Variants in ZDHHC8 observed in about 807,000 individuals in gnomAD.
ZDHHC8 encodes the protein palmitoyltransferase ZDHHC8.
A neutral mutation model predicts 61.2 loss-of-function variants in ZDHHC8; 24 were observed. That is an observed-to-expected ratio of 0.39 (90% CI 0.28 to 0.55). The LOEUF (loss-of-function observed/expected upper bound fraction) is 0.55. Among genes scored for constraint, ZDHHC8 ranks in the 20% least tolerant of loss-of-function variants. ZDHHC8 has a pLI of 0.60. For synonymous variants in ZDHHC8, 523 were observed against 492.5 expected (o/e 1.06, Z -0.82); for missense variants, 935 against 1,102.1 (o/e 0.85, Z 2.15).
At chr22:20,141,806 G>A (rs1181446471) in intron 9 of ZDHHC8, among the ~76,000 whole-genome samples, 3 of 152,214 alleles carry the variant, frequency 2.0e-5, no homozygotes, top group African/African-American at 7.2e-5. Context: ...TCCAGGCTTG[G>A]CGTCTGTCCC....
Position 20,142,149 on chromosome 22 carries a change from C to T in ZDHHC8, c.1126-607C>T, listed in dbSNP as rs190892892. On this transcript the variant is annotated intron_variant, in intron 9 of 10. Transcript: ENST00000334554. Reference sequence around the variant, plus strand: ...AGCCCCATCCCCAGGGACCTCTCCCCTCAGGACTGATGTCTTTCCTGGAGA... The same window carrying T: ...AGCCCCATCCCCAGGGACCTCTCCCTTCAGGACTGATGTCTTTCCTGGAGA... 4.7e-4 allele frequency among the ~76,000 whole-genome samples: 71 copies of T among 152,304 alleles called. 5 individuals carry two copies. Among genetic ancestry groups the T allele is most frequent in the East Asian group, 3.9e-3 (20 of 5,182 alleles).
At chr22:20,142,675 T>A in intron 9 of ZDHHC8, 81 bp from the exon 10 acceptor site, 2 of 1,571,572 alleles carry the variant, frequency 1.3e-6, no homozygotes, top group Non-Finnish European at 8.7e-7. Flanking sequence ...CACGGTGCCA[T>A]GTGTGGCCCC....
At position 20,143,751 on chromosome 22, in the gene ZDHHC8, G is replaced by T. The variant is rs368301713; in HGVS notation, c.2121G>T (p.Val707=). 1.2e-6 allele frequency: 2 copies of T among 1,606,716 alleles called. No homozygotes were observed. Among genetic ancestry groups the T allele is most frequent in the East Asian group, 2.2e-5 (1 of 44,820 alleles). ...DLPEPPPSLT[V]QRDHPQLKTP... ...CAGAGCCACCGCCCTCGCTGACCGT[G>T]CAGAGGTGGGTGCCGGGAGGTGCGG... Residue 707 remains valine (V), a synonymous_variant, in exon 10 of 11, where the codon GTG becomes GTT. Transcript: ENST00000334554.
chr22:20,140,217 G>C lies in ZDHHC8; in HGVS notation c.660G>C (p.Gln220His). 1 of 1,611,760 alleles carries C rather than the reference G, an allele frequency of 6.2e-7. No homozygotes were observed. The highest frequency in any genetic ancestry group is 8.5e-7 in the Non-Finnish European group (1 of 1,179,860). ...CTCGGGGGCGCACCACCAACGAGCA[G>C]GTGCAGACCCCATGGGGGATGGGTG... ...LVTRGRTTNE[Q>H]VTGKFRGGVN... Residue 220 changes from glutamine to histidine, a missense_variant and splice_region_variant, in exon 5 of 11, where the codon CAG becomes CAC. Physicochemically the swap from Gln to His is conservative, Grantham distance 24. This residue lies in a region of ZDHHC8 where 199 missense variants were observed against 334.0 expected (regional missense o/e 0.60). Coordinates refer to ENST00000334554, the MANE Select transcript of ZDHHC8 (RefSeq NM_013373.4).
At position 20,145,738 on chromosome 22, in the gene ZDHHC8, C is replaced by G; in HGVS notation, c.*338C>G. The G allele has an allele frequency of 9.9e-7, 1 of 1,010,440 alleles. No individual in the cohort carries two copies. The highest frequency in any genetic ancestry group is 1.2e-6 in the Non-Finnish European group (1 of 846,632). The allele number at this position is 1,010,440 out of a possible 1,614,324, so 62.6% of individuals were successfully genotyped here. ...CTTGGCCCACTGCCATCACCCAGCACCCCAGATCACCGCCAGGCCAGCCCC... is the reference window on the plus strand; with the variant it reads ...CTTGGCCCACTGCCATCACCCAGCAGCCCAGATCACCGCCAGGCCAGCCCC... On this transcript the variant is annotated 3_prime_UTR_variant, in exon 11 of 11. Coordinates refer to ENST00000334554, the MANE Select transcript of ZDHHC8 (RefSeq NM_013373.4).
chr22:20,141,236 G>C lies in ZDHHC8; in HGVS notation c.914G>C (p.Arg305Pro). ...TCCCAGTCCAAGGGCAGCCTGGACC[G>C]GCTGGATGAGAAGCCACTGGACTTG... ...GRSKSKGSLD[R>P]LDEKPLDLGP... Residue 305 changes from arginine to proline, a missense_variant, in exon 8 of 11, where the codon CGG (arginine) becomes CCG (proline). Coordinates refer to ENST00000334554, the MANE Select transcript of ZDHHC8 (RefSeq NM_013373.4). 6.2e-7 allele frequency: 1 copy of C among 1,612,054 alleles called. No homozygotes were observed. Among genetic ancestry groups the C allele is most frequent in the Non-Finnish European group, 8.5e-7 (1 of 1,179,738 alleles).
At chr22:20,136,484 G>A (rs919913250) in intron 1 of ZDHHC8, among the ~76,000 whole-genome samples, 1 of 152,242 alleles carries the variant, frequency 6.6e-6, no homozygotes, top group African/African-American at 2.4e-5. Flanking sequence ...CCACAGAGGG[G>A]CAAAGGGAAG....
Position 20,143,237 on chromosome 22 carries a change from C to G in ZDHHC8, c.1607C>G (p.Pro536Arg). The G allele has an allele frequency of 6.2e-7, 1 of 1,607,002 alleles. No individual in the cohort carries two copies. Among genetic ancestry groups the G allele is most frequent in the Non-Finnish European group, 8.5e-7 (1 of 1,179,534 alleles). The change falls in exon 10 of 11, where the codon CCC becomes CGC. Residue 536 changes from proline (P) to arginine (R), a missense_variant. Transcript: ENST00000334554. ...SPVLGPRPRE[P>R]SPVRYDNLSR... ...GTGCTGGGCCCCCGCCCCCGGGAGCCCTCGCCTGTGCGCTACGACAACCTG... is the reference window on the plus strand; with the variant it reads ...GTGCTGGGCCCCCGCCCCCGGGAGCGCTCGCCTGTGCGCTACGACAACCTG...
chr22:20,132,848 A>G (rs2050389068), intron 1 of ZDHHC8, among the ~76,000 whole-genome samples: 1 of 152,224 alleles, frequency 6.6e-6, no homozygotes, highest in Admixed American at 6.5e-5. Flanking sequence ...GGGTCACCCC[A>G]GGGCTCCTTC....
At chr22:20,141,136 G>T in intron 7 of ZDHHC8, 81 bp from the exon 8 acceptor site, 1 of 1,582,944 alleles carries the variant, frequency 6.3e-7, no homozygotes, top group Middle Eastern at 2.2e-4. Flanking sequence ...CTTGGGAGGG[G>T]GCTAGGTCCC....
Position 20,142,781 on chromosome 22 carries a change from T to C in ZDHHC8, c.1151T>C (p.Leu384Pro), listed in dbSNP as rs749121090. The change falls in exon 10 of 11, where the codon CTG becomes CCG. Residue 384 changes from leucine to proline, a missense_variant. By Grantham distance (98) the Leu-to-Pro change is moderately conservative. Transcript: ENST00000334554. ...GTTCCAGGCCCTGATTCCCTGACCC[T>C]GGGGGACGACAGCATCCGTAGCCTG... ...EQVPGPDSLT[L>P]GDDSIRSLDF... is the part of the protein sequence containing the mutation. 9 of 1,612,506 alleles carry C rather than the reference T, an allele frequency of 5.6e-6. No homozygotes were observed. The highest frequency in any genetic ancestry group is 4.4e-5 in the South Asian group (4 of 91,074).
rs1033771615 is a variant in ZDHHC8, at chr22:20,147,578, G to C, written c.*2178G>C. On this transcript the variant is annotated 3_prime_UTR_variant, in exon 11 of 11. Coordinates refer to ENST00000334554, the MANE Select transcript of ZDHHC8 (RefSeq NM_013373.4). ...CCTCCGTGGGTTGGGCTGGGTGGGG[G>C]GGGGGTCTCAGGTTGCCCCTGAAGG... The C allele has an allele frequency of 1.3e-4, 28 of 223,418 alleles. No homozygotes were observed. The highest frequency in any genetic ancestry group is 2.1e-4 in the Non-Finnish European group (24 of 114,756). 13.8% of individuals were successfully genotyped at this position (223,418 alleles called of 1,614,324 possible).
chr22:20,142,311 C>T (rs113474961), intron 9 of ZDHHC8, among the ~76,000 whole-genome samples: 21 of 152,212 alleles, frequency 1.4e-4, no homozygotes, highest in South Asian at 4.1e-4. Flanking sequence ...CTTCCTGGGA[C>T]TCCTGGGTCC....
rs781044592 is a variant in ZDHHC8 at position 20,143,313 on chromosome 22, T to C, written c.1683T>C (p.Arg561=). The change falls in exon 10 of 11, where the codon CGT becomes CGC. Residue 561 remains arginine (R), a synonymous_variant. Coordinates refer to ENST00000334554, the MANE Select transcript of ZDHHC8 (RefSeq NM_013373.4). Reference sequence around the variant, plus strand: ...AGGAGCGCAAGGACAGGGAGGAGCGTGAGCGCCTGCTGCGCTCCCAGGCCG... The same window carrying C: ...AGGAGCGCAAGGACAGGGAGGAGCGCGAGCGCCTGCTGCGCTCCCAGGCCG... The part of the protein sequence containing the change: ...SIQERKDREE[R]ERLLRSQADS... The C allele has an allele frequency of 6.3e-7, 1 of 1,598,418 alleles. No homozygotes were observed.
At position 20,139,335 on chromosome 22, in the gene ZDHHC8, C is replaced by A. The variant is rs201681199; in HGVS notation, c.226+20C>A. The A allele has an allele frequency of 9.9e-5, 160 of 1,610,804 alleles. No homozygotes were observed. Among genetic ancestry groups the A allele is most frequent in the Non-Finnish European group, 9.1e-5 (107 of 1,178,438 alleles). Reference sequence around the variant, plus strand: ...CCCGAGGTAGGGCCCTGTGCTGCGGCAGCTCCTCTCACTTTCACTAGAGTG... The same window carrying A: ...CCCGAGGTAGGGCCCTGTGCTGCGGAAGCTCCTCTCACTTTCACTAGAGTG... On this transcript the variant is annotated intron_variant, in intron 2 of 10. Transcript: ENST00000334554.
intron 9 of ZDHHC8, among the ~76,000 whole-genome samples, chr22:20,142,495 G>T (rs1221983499): frequency 1.3e-5 from 2 of 152,204 alleles, no homozygotes; most frequent in Non-Finnish European, 2.9e-5. Context: ...CCTGAGTGGT[G>T]GGCCCCTGGG....
At chr22:20,134,988 G>A (rs1443433228) in intron 1 of ZDHHC8, among the ~76,000 whole-genome samples, 1 of 152,202 alleles carries the variant, frequency 6.6e-6, no homozygotes, top group Non-Finnish European at 1.5e-5. Context: ...CCAGAGTGCA[G>A]TGGTGCTACC....
Position 20,146,940 on chromosome 22 carries a change from C to T in ZDHHC8, c.*1540C>T, listed in dbSNP as rs1418657191. 1.4e-4 allele frequency: 184 copies of T among 1,355,692 alleles called. No homozygotes were observed. Among genetic ancestry groups the T allele is most frequent in the Middle Eastern group, 2.7e-4 (1 of 3,684 alleles). 84.0% of individuals were successfully genotyped at this position (1,355,692 alleles called of 1,614,324 possible). ...ACATTCTGGGCTGGGGCTGTCCCAGCGTGGGAGGCGTGCGGGCTGTAGGGC... is the reference window on the plus strand; with the variant it reads ...ACATTCTGGGCTGGGGCTGTCCCAGTGTGGGAGGCGTGCGGGCTGTAGGGC... On this transcript the variant is annotated 3_prime_UTR_variant, in exon 11 of 11. Coordinates refer to ENST00000334554, the MANE Select transcript of ZDHHC8 (RefSeq NM_013373.4).
chr22:20,139,234 G>A lies in ZDHHC8; in HGVS notation c.145G>A (p.Val49Ile), dbSNP rs777641343. ...ACGAGCTGTGTCCCCAGCTGTTCCCGTCTACAATGGCATCATCTTCCTCTT... is the reference window on the plus strand; with the variant it reads ...ACGAGCTGTGTCCCCAGCTGTTCCCATCTACAATGGCATCATCTTCCTCTT... ...LTRAVSPAVPVYNGIIFLFVL... is the reference protein window; with the variant it reads ...LTRAVSPAVPIYNGIIFLFVL... The change falls in exon 2 of 11, where the codon GTC (valine) becomes ATC (isoleucine). Residue 49 changes from valine to isoleucine, a missense_variant. This residue lies in a region of ZDHHC8 where 199 missense variants were observed against 334.0 expected (regional missense o/e 0.60). Transcript: ENST00000334554. 31 of 1,613,808 alleles carry A rather than the reference G, an allele frequency of 1.9e-5. No homozygotes were observed. Among genetic ancestry groups the A allele is most frequent in the Admixed American group, 5.0e-5 (3 of 59,996 alleles).
Sources: gnomAD v4.1 joint callset for allele counts (sites outside exome capture counted in the v4.1 genomes callset) on GRCh38, gnomAD v4.1.1 for gene constraint, gnomAD v4.1.1 regional missense constraint, MANE v1.5 for transcripts, NCBI Gene and HGNC (gene_info 2026-07-23, HGNC 2026-07-21) for gene names.